The following GK5 variants were observed in gnomAD, a reference collection of about 807,000 sequenced individuals.
The protein encoded by GK5 is ATP:glycerol 3-phosphotransferase 5.
In GK5, 39 loss-of-function variants were observed where a neutral mutation model predicts 77.3. The observed-to-expected ratio is 0.50, with a 90% CI of 0.39 to 0.66. GK5 has a LOEUF of 0.66. Among genes scored for constraint, GK5 ranks in the 30% least tolerant of loss-of-function variants. GK5 has a pLI of 0.00. For synonymous variants in GK5, 211 were observed against 208.0 expected (o/e 1.01, Z -0.13); for missense variants, 487 against 633.8 (o/e 0.77, Z 2.49).
At chr3:142,170,060 G>A in intron 15 of GK5, 1 of 511,560 alleles carries the variant, frequency 2.0e-6, no homozygotes, top group Non-Finnish European at 3.6e-6. Flanking sequence ...ACTGTCTGTT[G>A]CTAGAGACTG....
At chr3:142,205,652 A>G (rs2064094731) in intron 3 of GK5, among the ~76,000 whole-genome samples, 1 of 151,292 alleles carries the variant, frequency 6.6e-6, no homozygotes, top group African/African-American at 2.4e-5. Flanking sequence ...CCGACCAACC[A>G]CTCCTAACTT....
chr3:142,166,955 CA>C (rs1428838356), intron 15 of GK5, among the ~76,000 whole-genome samples: 2 of 152,214 alleles, frequency 1.3e-5, no homozygotes, highest in African/African-American at 4.8e-5. Flanking sequence ...CAAAAGTCTA[CA>C]AATCTTCATG....
At chr3:142,187,817 C>T in intron 5 of GK5, 38 bp from the exon 6 acceptor site, 2 of 1,463,760 alleles carry the variant, frequency 1.4e-6, no homozygotes, top group Non-Finnish European at 1.9e-6. Flanking sequence ...TTCAAAAAGG[C>T]TAAATTACTA....
At chr3:142,213,984 G>C (rs1051148786) in intron 2 of GK5, among the ~76,000 whole-genome samples, 6 of 152,002 alleles carry the variant, frequency 3.9e-5, no homozygotes, top group African/African-American at 1.5e-4. Flanking sequence ...CACCCTGCCT[G>C]GCTAATTTTT....
chr3:142,199,201 AC>A (rs772305995), intron 4 of GK5, among the ~76,000 whole-genome samples: 9 of 152,172 alleles, frequency 5.9e-5, no homozygotes, highest in South Asian at 2.1e-4. Flanking sequence ...TTAAAAAAAA[AC>A]AACTATATTT....
At position 142,215,649 on chromosome 3, in the gene GK5, G is replaced by C. The variant is rs1334060959; in HGVS notation, c.191C>G (p.Pro64Arg). ...YPQIGWVEID[P>R]DVLWIQFVAV... ...AACAAATTGAATCCAAAGAACATCA[G>C]GATCAATTTCTACCCAGCCAATTTG... The change falls in exon 2 of 16, where the codon CCT becomes CGT. Residue 64 changes from proline (P) to arginine (R), a missense_variant. Physicochemically the swap from Pro to Arg is moderately radical, Grantham distance 103 (BLOSUM62 -2). Coordinates refer to ENST00000392993, the MANE Select transcript of GK5 (RefSeq NM_001039547.3). 1 of 1,599,102 alleles carries C rather than the reference G, an allele frequency of 6.3e-7. No individual in the cohort carries two copies. Among genetic ancestry groups the C allele is most frequent in the Admixed American group, 1.7e-5 (1 of 59,458 alleles).
intron 4 of GK5, 61 bp from the exon 5 acceptor site, chr3:142,198,994 C>T (rs914932102): frequency 1.6e-6 from 2 of 1,264,774 alleles, no homozygotes; most frequent in Non-Finnish European, 2.2e-6. Flanking sequence ...ATTTCCACAT[C>T]AATTCTATAT....
rs75731690 is a variant in GK5, at chr3:142,181,585, A to C, written c.944-20T>G. 1.9e-3 allele frequency: 2,821 copies of C among 1,501,376 alleles called. 44 individuals carry two copies. The African/African-American group carries it at 0.034, about 18-fold the overall frequency. 93.0% of individuals were successfully genotyped at this position (1,501,376 alleles called of 1,614,324 possible). On this transcript the variant is annotated intron_variant, in intron 10 of 15. Coordinates refer to ENST00000392993, the MANE Select transcript of GK5 (RefSeq NM_001039547.3). Reference sequence around the variant, plus strand: ...AAAAGCCTTGCAAAACAAACAACGAATGTTAAGTCAAATATATGCATAATT... The same window carrying C: ...AAAAGCCTTGCAAAACAAACAACGACTGTTAAGTCAAATATATGCATAATT...
chr3:142,202,259 T>C (rs1417122272), intron 4 of GK5, among the ~76,000 whole-genome samples: 2 of 152,020 alleles, frequency 1.3e-5, no homozygotes, highest in Non-Finnish European at 2.9e-5. Context: ...CAGGCAAGAA[T>C]AAGAACAAAA....
chr3:142,215,474 C>A, intron 2 of GK5, 125 bp downstream of exon 2: 1 of 519,274 alleles, frequency 1.9e-6, no homozygotes, highest in South Asian at 3.5e-5. Flanking sequence ...TACTGGGAAA[C>A]TGTAATCCCA....
chr3:142,176,607 T>G (rs1013242219), intron 12 of GK5, among the ~76,000 whole-genome samples: 11 of 151,824 alleles, frequency 7.2e-5, no homozygotes, highest in African/African-American at 2.4e-4. Flanking sequence ...ATTTTTTGAT[T>G]AAGCAAAGTA....
intron 4 of GK5, among the ~76,000 whole-genome samples, chr3:142,203,701 G>A (rs1397335811): frequency 6.6e-6 from 1 of 152,170 alleles, no homozygotes; most frequent in Non-Finnish European, 1.5e-5. Context: ...GTGAACCCAG[G>A]AGGCAGAGGT....
At position 142,161,640 on chromosome 3, in the gene GK5, T is replaced by G. The variant is rs1173346473; in HGVS notation, c.*3982A>C. 1 of 151,968 alleles carries G rather than the reference T, an allele frequency of 6.6e-6. No individual in the cohort carries two copies. Among genetic ancestry groups the G allele is most frequent in the Non-Finnish European group, 1.5e-5 (1 of 68,008 alleles). 9.4% of individuals were successfully genotyped at this position (151,968 alleles called of 1,614,324 possible). Reference sequence around the variant, plus strand: ...AATGATGATCTCCTTTGTTCAGAGATAAAAAGGAAGCAAAAAAGCAGGTCA... The same window carrying G: ...AATGATGATCTCCTTTGTTCAGAGAGAAAAAGGAAGCAAAAAAGCAGGTCA... On this transcript the variant is annotated 3_prime_UTR_variant, in exon 16 of 16. Coordinates refer to ENST00000392993, the MANE Select transcript of GK5 (RefSeq NM_001039547.3).
At chr3:142,200,775 A>G (rs1320497970) in intron 4 of GK5, among the ~76,000 whole-genome samples, 2 of 152,242 alleles carry the variant, frequency 1.3e-5, no homozygotes, top group Admixed American at 6.5e-5. Flanking sequence ...TAGCATCTTC[A>G]TTCATATATC....
At chr3:142,174,230 C>A (rs1016319889) in intron 12 of GK5, among the ~76,000 whole-genome samples, 5 of 152,152 alleles carry the variant, frequency 3.3e-5, no homozygotes, top group Admixed American at 6.5e-5. Flanking sequence ...AATAAATGAA[C>A]AAACAATATT....
chr3:142,194,747 T>A (rs569161664), intron 5 of GK5, among the ~76,000 whole-genome samples: 8 of 151,792 alleles, frequency 5.3e-5, no homozygotes, highest in Non-Finnish European at 7.4e-5. Context: ...TAAACTCATT[T>A]ATAATATTAG....
intron 3 of GK5, among the ~76,000 whole-genome samples, chr3:142,206,012 TC>T (rs1287001066): frequency 6.6e-6 from 1 of 152,234 alleles, no homozygotes; most frequent in Admixed American, 6.5e-5. Context: ...CAATATTTGT[TC>T]TTTTATATTT....
chr3:142,177,935 C>T (rs1399908066), intron 11 of GK5, among the ~76,000 whole-genome samples: 1 of 150,948 alleles, frequency 6.6e-6, no homozygotes, highest in South Asian at 2.1e-4. Flanking sequence ...CTCGGCTCAC[C>T]GCAACCTCCA....
In GK5 at chr3:142,170,323, A is replaced by C. The variant is rs1577105316; in HGVS notation, c.1441+2T>G. 1 of 1,613,986 alleles carries C rather than the reference A, an allele frequency of 6.2e-7. No individual in the cohort carries two copies. Among genetic ancestry groups the C allele is most frequent in the African/African-American group, 1.3e-5 (1 of 75,056 alleles). On this transcript the variant is annotated splice_donor_variant, in intron 15 of 15. Coordinates refer to ENST00000392993, the MANE Select transcript of GK5 (RefSeq NM_001039547.3). LOFTEE classifies it high-confidence loss of function. The stretch of plus-strand genomic sequence containing the variant: ...TCTCATTCTTATAAATTTCACACAT[A>C]CCAACAGCAAGGCCAGCTAGAGAAG...
Sources: allele counts gnomAD v4.1 joint callset (sites outside exome capture counted in the v4.1 genomes callset), GRCh38; gene constraint gnomAD v4.1.1; transcripts MANE v1.5; gene names NCBI Gene and HGNC (gene_info 2026-07-23, HGNC 2026-07-21).